ZNF804A: variants seen among roughly 807,000 people sequenced by gnomAD.
The protein encoded by ZNF804A is zinc finger protein 804A.
ZNF804A carries 2 observed loss-of-function variants against 16.5 expected under a neutral mutation model. That is an observed-to-expected ratio of 0.12 (90% confidence interval 0.05 to 0.38). The LOEUF (loss-of-function observed/expected upper bound fraction) is 0.38. Among genes scored for constraint, ZNF804A ranks in the 10% least tolerant of loss-of-function variants. The pLI, the probability that ZNF804A is intolerant of heterozygous loss-of-function variation, is 0.99. For synonymous variants in ZNF804A, 534 were observed against 489.6 expected (o/e 1.09, Z -1.20); for missense variants, 1,473 against 1,390.7 (o/e 1.06, Z -0.94).
intron 1 of ZNF804A, among the ~76,000 whole-genome samples, chr2:184,813,011 C>T (rs1358215239): frequency 6.6e-6 from 1 of 152,074 alleles, no homozygotes; most frequent in Non-Finnish European, 1.5e-5. Flanking sequence ...AATATTCAGT[C>T]ATATATAAGC....
intron 1 of ZNF804A, among the ~76,000 whole-genome samples, chr2:184,646,088 AT>A (rs1258004242): frequency 6.6e-6 from 1 of 152,194 alleles, no homozygotes; most frequent in Non-Finnish European, 1.5e-5. Flanking sequence ...AGCAGAGGCC[AT>A]TTTTAGCCAA....
intron 1 of ZNF804A, among the ~76,000 whole-genome samples, chr2:184,734,845 G>A (rs1693582997): frequency 6.6e-6 from 1 of 152,070 alleles, no homozygotes. Context: ...ATGATGGTTT[G>A]TTGTTAGGTG....
chr2:184,712,730 TG>T (rs1262406865), intron 1 of ZNF804A, among the ~76,000 whole-genome samples: 1 of 151,726 alleles, frequency 6.6e-6, no homozygotes, highest in Non-Finnish European at 1.5e-5. Context: ...TTATTCTTTT[TG>T]TTTCTCTTAT....
chr2:184,760,581 A>C (rs1287478709), intron 1 of ZNF804A, among the ~76,000 whole-genome samples: 2 of 152,144 alleles, frequency 1.3e-5, no homozygotes, highest in Non-Finnish European at 2.9e-5. Flanking sequence ...AACATATGGT[A>C]GCATATCTTT....
At chr2:184,714,893 G>A (rs2105738813) in intron 1 of ZNF804A, among the ~76,000 whole-genome samples, 1 of 152,222 alleles carries the variant, frequency 6.6e-6, no homozygotes, top group South Asian at 2.1e-4. Flanking sequence ...ATGACAGAGA[G>A]AAAGGAAATC....
chr2:184,792,056 T>C (rs1694552719), intron 1 of ZNF804A, among the ~76,000 whole-genome samples: 1 of 152,186 alleles, frequency 6.6e-6, no homozygotes, highest in Non-Finnish European at 1.5e-5. Flanking sequence ...CAACAGTTTA[T>C]TTATTTATTC....
At chr2:184,704,354 A>AT (rs1692984724) in intron 1 of ZNF804A, among the ~76,000 whole-genome samples, 1 of 151,784 alleles carries the variant, frequency 6.6e-6, no homozygotes, top group Admixed American at 6.6e-5. Context: ...GTTTCTCCAT[A>AT]TTGGTCAGGC....
intron 2 of ZNF804A, among the ~76,000 whole-genome samples, chr2:184,896,991 A>T (rs1446412692): frequency 6.6e-6 from 1 of 152,056 alleles, no homozygotes; most frequent in Non-Finnish European, 1.5e-5. Flanking sequence ...TGGTTGCTTA[A>T]TGTTAATTCT....
intron 1 of ZNF804A, among the ~76,000 whole-genome samples, chr2:184,663,631 C>G (rs1337920122): frequency 1.3e-5 from 2 of 152,104 alleles, no homozygotes; most frequent in Non-Finnish European, 2.9e-5. Flanking sequence ...GCCAGGCTGT[C>G]AGTTCTGGGT....
intron 1 of ZNF804A, among the ~76,000 whole-genome samples, chr2:184,824,602 A>G (rs991750776): frequency 1.4e-4 from 22 of 152,100 alleles, no homozygotes; most frequent in Admixed American, 1.2e-3. Flanking sequence ...TCTTATTACT[A>G]TTTCTGCCTA....
intron 1 of ZNF804A, among the ~76,000 whole-genome samples, chr2:184,713,530 G>A (rs938623516): frequency 3.9e-5 from 6 of 151,928 alleles, no homozygotes; most frequent in Admixed American, 6.6e-5. Context: ...TGTCTACATA[G>A]TTGTACTTGT....
At chr2:184,934,660 C>A (rs1277644712) in intron 3 of ZNF804A, among the ~76,000 whole-genome samples, 2 of 151,964 alleles carry the variant, frequency 1.3e-5, no homozygotes, top group Non-Finnish European at 2.9e-5. Flanking sequence ...AATCATGGAA[C>A]CTATGTAACT....
chr2:184,884,543 T>G (rs1220782393), intron 2 of ZNF804A, among the ~76,000 whole-genome samples: 2 of 151,986 alleles, frequency 1.3e-5, no homozygotes, highest in African/African-American at 4.8e-5. Context: ...ACATTACCCC[T>G]TTTTAAACTA....
At chr2:184,930,883 G>C (rs889007714) in intron 2 of ZNF804A, among the ~76,000 whole-genome samples, 21 of 152,106 alleles carry the variant, frequency 1.4e-4, no homozygotes, top group African/African-American at 4.1e-4. Context: ...TCATTCTCAT[G>C]CTGCTAATAA....
chr2:184,690,825 TTC>T (rs1692713937), intron 1 of ZNF804A, among the ~76,000 whole-genome samples: 1 of 152,080 alleles, frequency 6.6e-6, no homozygotes, highest in African/African-American at 2.4e-5. Context: ...CACTCTTGTA[TTC>T]TGTTTTGTAT....
chr2:184,802,975 C>T (rs1694749127), intron 1 of ZNF804A, among the ~76,000 whole-genome samples: 1 of 152,104 alleles, frequency 6.6e-6, no homozygotes, highest in Non-Finnish European at 1.5e-5. Context: ...ACCTTCCAAT[C>T]TGTAAAATGA....
chr2:184,765,531 A>C (rs1384205664), intron 1 of ZNF804A, among the ~76,000 whole-genome samples: 1 of 151,974 alleles, frequency 6.6e-6, no homozygotes, highest in African/African-American at 2.4e-5. Flanking sequence ...TTCTGATCTA[A>C]TTACCGGTGG....
rs186488579 is a variant in ZNF804A at position 184,711,143 on chromosome 2, T to C, written c.111+112073T>C. ...CCAGCAGTGTACAAGTGTTCCAATT[T>C]CTCCACATTATCACCAGCATTTTAA... On this transcript the variant is annotated intron_variant, in intron 1 of 3. Coordinates refer to ENST00000302277, the MANE Select transcript of ZNF804A (RefSeq NM_194250.2). 7.8e-3 allele frequency among the ~76,000 whole-genome samples: 1,187 copies of C among 151,916 alleles called. 10 individuals carry two copies. Among genetic ancestry groups the C allele is most frequent in the Non-Finnish European group, 0.012 (801 of 67,788 alleles).
At position 184,938,909 on chromosome 2, in the gene ZNF804A, C is replaced by T. The variant is rs760925391; in HGVS notation, c.3513C>T (p.Ile1171=). 6.2e-7 allele frequency: 1 copy of T among 1,614,060 alleles called. No homozygotes were observed. Among genetic ancestry groups the T allele is most frequent in the Non-Finnish European group, 8.5e-7 (1 of 1,180,002 alleles). Residue 1171 remains isoleucine, a synonymous_variant, in exon 4 of 4, where the codon ATC becomes ATT. Coordinates refer to ENST00000302277, the MANE Select transcript of ZNF804A (RefSeq NM_194250.2). ...PTFVAPPQMP[I]IPASVLHPSH... ...TTGTTGCTCCTCCTCAGATGCCAATCATTCCAGCTTCCGTTCTTCATCCTA... is the reference window on the plus strand; with the variant it reads ...TTGTTGCTCCTCCTCAGATGCCAATTATTCCAGCTTCCGTTCTTCATCCTA...
Sources: allele counts gnomAD v4.1 joint callset (sites outside exome capture counted in the v4.1 genomes callset), GRCh38; gene constraint gnomAD v4.1.1; transcripts MANE v1.5; gene names NCBI Gene and HGNC (gene_info 2026-07-23, HGNC 2026-07-21).